Variants in STAG2 observed in about 807,000 individuals in gnomAD.
The protein encoded by STAG2 is cohesin subunit SA-2.
STAG2 carries 14 observed loss-of-function variants against 108.1 expected under a neutral mutation model. The ratio of observed to expected loss-of-function variants is 0.13; its 90% CI spans 0.09 to 0.20. STAG2 has a LOEUF of 0.20. STAG2 is among the 10% of genes least tolerant of loss of function. The pLI, the probability that STAG2 is intolerant of heterozygous loss-of-function variation, is 1.00. For synonymous variants in STAG2, 307 were observed against 302.7 expected (o/e 1.01, Z -0.15); for missense variants, 440 against 940.9 (o/e 0.47, Z 6.96).
chrX:123,963,717 A>C (rs1336214596), intron 1 of STAG2, among the ~76,000 whole-genome samples: 1 of 110,376 alleles, frequency 9.1e-6, no homozygotes, highest in Admixed American at 9.7e-5. Context: ...TTTTAGGTAT[A>C]ATTTTAAATA....
chrX:124,096,412 A>G (rs755475372), intron 34 of STAG2, among the ~76,000 whole-genome samples: 2 of 111,604 alleles, frequency 1.8e-5, no homozygotes, highest in African/African-American at 6.5e-5. Flanking sequence ...TTTTCCTCCT[A>G]GTAAAGTCTT....
intron 1 of STAG2, among the ~76,000 whole-genome samples, chrX:124,014,924 A>T (rs767417095): frequency 9.3e-6 from 1 of 107,864 alleles, no homozygotes; most frequent in Non-Finnish European, 1.9e-5. Flanking sequence ...TTTTAGGTTA[A>T]GATTTTACTA....
chrX:124,053,554 G>A (rs764015103), intron 13 of STAG2, among the ~76,000 whole-genome samples: 4 of 110,781 alleles, frequency 3.6e-5, no homozygotes, highest in Non-Finnish European at 7.6e-5. Context: ...TAATGAGTGA[G>A]GACTAGCCCA....
At chrX:124,079,755 T>C (rs2058903425) in intron 27 of STAG2, among the ~76,000 whole-genome samples, 1 of 113,005 alleles carries the variant, frequency 8.8e-6, no homozygotes, top group Non-Finnish European at 1.9e-5. Flanking sequence ...AAATTATCCT[T>C]AATGTTTTCA....
At chrX:123,987,209 C>G (rs1292020012) in intron 1 of STAG2, among the ~76,000 whole-genome samples, 1 of 109,655 alleles carries the variant, frequency 9.1e-6, no homozygotes, top group Non-Finnish European at 1.9e-5. Context: ...TCAGGCTGAT[C>G]TCGAACTCCT....
intron 5 of STAG2, among the ~76,000 whole-genome samples, chrX:124,033,616 G>A (rs2057413483): frequency 9.0e-6 from 1 of 110,980 alleles, no homozygotes; most frequent in Non-Finnish European, 1.9e-5. Context: ...AAAAAAGTTA[G>A]CTGGGCTTGG....
At chrX:124,096,410 C>T (rs747555178) in intron 34 of STAG2, among the ~76,000 whole-genome samples, 30 of 111,500 alleles carry the variant, frequency 2.7e-4, no homozygotes, top group African/African-American at 9.8e-4. Context: ...ATTTTTCCTC[C>T]TAGTAAAGTC....
chrX:123,970,318 C>T (rs2054301595), intron 1 of STAG2, among the ~76,000 whole-genome samples: 1 of 110,215 alleles, frequency 9.1e-6, no homozygotes, highest in Non-Finnish European at 1.9e-5. Flanking sequence ...AAATTAGTTT[C>T]TCCCCTGCAC....
chrX:124,102,172 C>T lies in STAG2; in HGVS notation c.*1575C>T. The T allele has an allele frequency of 6.3e-6, 1 of 159,624 alleles. No individual in the cohort carries two copies. Among genetic ancestry groups the T allele is most frequent in the East Asian group, 9.4e-5 (1 of 10,594 alleles). 13.2% of individuals were successfully genotyped at this position (159,624 alleles called of 1,213,427 possible). ...AGTCATGGTTAATAACAAATGAATC[C>T]AGACTTGTCTAACAGATTTTCCATC... On this transcript the variant is annotated 3_prime_UTR_variant, in exon 35 of 35. Transcript: ENST00000371145.
intron 25 of STAG2, among the ~76,000 whole-genome samples, chrX:124,072,008 T>C (rs1033050281): frequency 1.8e-5 from 2 of 111,358 alleles, no homozygotes; most frequent in African/African-American, 6.5e-5. Flanking sequence ...TGAAGGTATA[T>C]TTTTTGTTTA....
At position 124,089,152 on chromosome X, in the gene STAG2, G is replaced by A. The variant is rs756701316; in HGVS notation, c.3278-1423G>A. ...GCTCGAACTCCTGACCTCGTGATCC[G>A]CCTGTCTCAGCCTCCCAAAGTGCTG... is the stretch of plus-strand genomic sequence containing the variant. On this transcript the variant is annotated intron_variant, in intron 30 of 34. Transcript: ENST00000371145. Among the ~76,000 whole-genome samples, 4 of 109,425 alleles carry A rather than the reference G, an allele frequency of 3.7e-5. 1 individual carries two copies. Among genetic ancestry groups the A allele is most frequent in the Admixed American group, 2.9e-4 (3 of 10,274 alleles).
intron 26 of STAG2, among the ~76,000 whole-genome samples, chrX:124,076,692 C>T (rs757337164): frequency 2.7e-5 from 3 of 110,399 alleles, no homozygotes; most frequent in Non-Finnish European, 5.7e-5. Flanking sequence ...TGGAGATGGC[C>T]CCTCTCAATT....
upstream of STAG2, chrX:123,960,802 G>T (rs2053814401): frequency 9.1e-6 from 1 of 109,500 alleles, no homozygotes; most frequent in Admixed American, 9.8e-5. Flanking sequence ...CCCGGCCTGA[G>T]AAAGAAGGAG....
chrX:124,041,218 A>T lies in STAG2; in HGVS notation c.386-1351A>T, dbSNP rs749176367. On this transcript the variant is annotated intron_variant, in intron 6 of 34. Transcript: ENST00000371145. ...AGTTCATCAACTTTTTAAAACAATC[A>T]TTTTTTTTTTTTTTTAAGTTGCGGT... Among the ~76,000 whole-genome samples, 49 of 97,344 alleles carry T rather than the reference A, an allele frequency of 5.0e-4. 1 individual carries two copies. The South Asian group carries it at 8.2e-3, about 16-fold the overall frequency. 84.5% of individuals were successfully genotyped at this position (97,344 alleles called of 115,157 possible).
chrX:124,071,013 A>G lies in STAG2; in HGVS notation c.2359-136A>G, dbSNP rs2058651588. 7 of 446,488 alleles carry G rather than the reference A, an allele frequency of 1.6e-5. No homozygotes were observed. The South Asian group carries it at 2.8e-4, about 18-fold the overall frequency. The allele number at this position is 446,488 out of a possible 1,213,427, so 36.8% of individuals were successfully genotyped here. On this transcript the variant is annotated intron_variant, in intron 24 of 34. Coordinates refer to ENST00000371145, the MANE Select transcript of STAG2 (RefSeq NM_001042750.2). ...CTTTAGAATCTTAGGAAAATACTAAACATTGATTTCTCTTAAGATTTTTAA... is the reference window on the plus strand; with the variant it reads ...CTTTAGAATCTTAGGAAAATACTAAGCATTGATTTCTCTTAAGATTTTTAA...
At chrX:123,978,335 G>C (rs2054724384) in intron 1 of STAG2, among the ~76,000 whole-genome samples, 1 of 108,838 alleles carries the variant, frequency 9.2e-6, no homozygotes, top group Non-Finnish European at 1.9e-5. Context: ...GCCCCATTGT[G>C]TGTTGTTTCC....
At position 124,065,826 on chromosome X, in the gene STAG2, C is replaced by G. The variant is rs189298207; in HGVS notation, c.2026-50C>G. 1.1e-4 allele frequency: 94 copies of G among 868,902 alleles called. No individual in the cohort carries two copies. In the East Asian group the frequency reaches 3.2e-3, roughly 29 times the overall value. The allele number at this position is 868,902 out of a possible 1,213,427, so 71.6% of individuals were successfully genotyped here. A position where few individuals can be genotyped will look rare whatever the true frequency, so the allele number is the denominator to read the frequency against. ...CAAGGTAATAGTGACATTTTGATAG[C>G]CTAGGAGTTTTCACTTTGATGGTTC... is the stretch of plus-strand genomic sequence containing the variant. On this transcript the variant is annotated intron_variant, in intron 20 of 34. Transcript: ENST00000371145.
intron 13 of STAG2, among the ~76,000 whole-genome samples, chrX:124,051,745 G>T (rs955275417): frequency 9.1e-6 from 1 of 110,187 alleles, no homozygotes; most frequent in South Asian, 3.9e-4. Flanking sequence ...CGCCCGCCAC[G>T]ACGCCTGGCT....
intron 1 of STAG2, among the ~76,000 whole-genome samples, chrX:123,994,386 T>C (rs753256133): frequency 1.8e-5 from 2 of 111,213 alleles, no homozygotes; most frequent in Non-Finnish European, 3.8e-5. Flanking sequence ...CACAGCCACG[T>C]TGGGGATCAA....
Sources: gnomAD v4.1 joint callset for allele counts (sites outside exome capture counted in the v4.1 genomes callset) on GRCh38, gnomAD v4.1.1 for gene constraint, MANE v1.5 for transcripts, NCBI Gene and HGNC (gene_info 2026-07-23, HGNC 2026-07-21) for gene names.